TEX9: variants seen among roughly 807,000 people sequenced by gnomAD.
The protein encoded by TEX9 is testis expressed 9.
TEX9 carries 74 observed loss-of-function variants against 59.6 expected under a neutral mutation model. The ratio of observed to expected loss-of-function variants is 1.24; its 90% CI spans 1.03 to 1.51. The LOEUF (loss-of-function observed/expected upper bound fraction) is 1.51, where lower values mean the gene tolerates loss of function less well. TEX9 is among the 40% of genes most tolerant of loss of function. The pLI is 0.00. For synonymous variants in TEX9, 186 were observed against 152.2 expected (o/e 1.22, Z -1.64); for missense variants, 522 against 447.8 (o/e 1.17, Z -1.49).
At chr15:56,319,024 A>T (rs566248921) in intron 1 of TEX9, among the ~76,000 whole-genome samples, 2 of 152,260 alleles carry the variant, frequency 1.3e-5, no homozygotes, top group East Asian at 3.9e-4. Flanking sequence ...CTAGGTTTAG[A>T]ATACAAAAGA....
At chr15:56,449,654 TG>T (rs1567152782), downstream of TEX9, among the ~76,000 whole-genome samples, 2 of 152,142 alleles carry the variant, frequency 1.3e-5, no homozygotes, top group East Asian at 3.8e-4. Flanking sequence ...GGTGTTACTT[TG>T]TCCTGAATGT....
At chr15:56,244,476 A>G (rs564982514) in intron 1 of TEX9, among the ~76,000 whole-genome samples, 42 of 152,190 alleles carry the variant, frequency 2.8e-4, no homozygotes, top group African/African-American at 9.6e-4. Flanking sequence ...TCCCCCTGCA[A>G]GAACTCCCGG....
intron 1 of TEX9, among the ~76,000 whole-genome samples, chr15:56,304,808 A>G (rs1485720079): frequency 6.6e-6 from 1 of 152,026 alleles, no homozygotes; most frequent in East Asian, 1.9e-4. Context: ...CTGCATCCTC[A>G]TACTCCTGGG....
chr15:56,365,312 T>G, upstream of TEX9: 1 of 1,187,958 alleles, frequency 8.4e-7, no homozygotes. Context: ...CCGAGCCCGC[T>G]GCCAGAGGCT....
At chr15:56,410,352 C>A (rs2049288547) in intron 9 of TEX9, among the ~76,000 whole-genome samples, 1 of 152,086 alleles carries the variant, frequency 6.6e-6, no homozygotes, top group Admixed American at 6.5e-5. Context: ...TCTTTTCTTA[C>A]TCTCCCCCAG....
At chr15:56,272,841 G>C (rs1456544426) in intron 1 of TEX9, among the ~76,000 whole-genome samples, 1 of 151,938 alleles carries the variant, frequency 6.6e-6, no homozygotes, top group African/African-American at 2.4e-5. Flanking sequence ...CTTGCTAGTT[G>C]TCTGCTATTT....
At chr15:56,344,444 T>A (rs186353996) in intron 1 of TEX9, among the ~76,000 whole-genome samples, 3 of 152,166 alleles carry the variant, frequency 2.0e-5, no homozygotes, top group Non-Finnish European at 4.4e-5. Flanking sequence ...ATTCCATTTA[T>A]ATAAAATTTC....
intron 1 of TEX9, among the ~76,000 whole-genome samples, chr15:56,356,035 A>G (rs182861134): frequency 2.0e-5 from 3 of 152,042 alleles, no homozygotes; most frequent in African/African-American, 7.2e-5. Context: ...ACTTTCATGA[A>G]TTTTTTGTAG....
intron 1 of TEX9, among the ~76,000 whole-genome samples, chr15:56,313,058 G>C (rs2045662876): frequency 6.8e-6 from 1 of 146,104 alleles, no homozygotes; most frequent in Admixed American, 7.0e-5. Flanking sequence ...GAGACAATGG[G>C]GTTTTCTAGA....
chr15:56,281,543 C>G (rs1013748754), intron 1 of TEX9, among the ~76,000 whole-genome samples: 1 of 152,140 alleles, frequency 6.6e-6, no homozygotes, highest in Non-Finnish European at 1.5e-5. Flanking sequence ...AAAACCATCC[C>G]TCACCCCCCG....
chr15:56,313,355 T>C lies in TEX9; in HGVS notation c.-106-60086T>C, dbSNP rs528315837. On this transcript the variant is annotated intron_variant, in intron 1 of 5. Coordinates refer to the TEX9 transcript ENST00000560827. ...CCTAATTTATTGAGAGTTTTTAGCATGAAGGGTTGTTGAATTTTGTCAAAG... is the reference window on the plus strand; with the variant it reads ...CCTAATTTATTGAGAGTTTTTAGCACGAAGGGTTGTTGAATTTTGTCAAAG... 1.2e-3 allele frequency among the ~76,000 whole-genome samples: 100 copies of C among 84,102 alleles called. 4 individuals carry two copies. The highest frequency in any genetic ancestry group is 3.6e-3 in the African/African-American group (94 of 26,226). The allele number at this position is 84,102 out of a possible 152,430, so 55.2% of individuals were successfully genotyped here.
chr15:56,428,251 C>T (rs1596243805), intron 11 of TEX9, 116 bp from the exon 12 acceptor site: 1 of 716,098 alleles, frequency 1.4e-6, no homozygotes, highest in East Asian at 2.7e-5. Context: ...GTATACATTC[C>T]TACAACAGAA....
chr15:56,394,035 C>T, intron 7 of TEX9, 130 bp from the exon 8 acceptor site: 2 of 716,970 alleles, frequency 2.8e-6, no homozygotes, highest in Non-Finnish European at 4.6e-6. Flanking sequence ...TATAGTGCCC[C>T]CTAACAGATA....
At chr15:56,266,380 G>C (rs1349086500) in intron 1 of TEX9, among the ~76,000 whole-genome samples, 1 of 151,322 alleles carries the variant, frequency 6.6e-6, no homozygotes, top group African/African-American at 2.4e-5. Flanking sequence ...CTATGTGCAG[G>C]TTTCTTACAT....
intron 1 of TEX9, among the ~76,000 whole-genome samples, chr15:56,329,074 C>T (rs1379717072): frequency 2.0e-5 from 3 of 152,144 alleles, no homozygotes; most frequent in African/African-American, 7.2e-5. Context: ...CCACACAGCT[C>T]AGCACAGAGA....
chr15:56,404,704 T>A lies in TEX9; in HGVS notation c.829-7598T>A, dbSNP rs548590728. The stretch of plus-strand genomic sequence containing the variant: ...ACACGTATGTTTATTGTGGCACTAT[T>A]CACAATAGCAAAGACTTGGAACCAA... On this transcript the variant is annotated intron_variant, in intron 9 of 12. Transcript: ENST00000352903. Among the ~76,000 whole-genome samples, 331 of 152,306 alleles carry A rather than the reference T, an allele frequency of 2.2e-3. 1 individual carries two copies. Among genetic ancestry groups the A allele is most frequent in the Non-Finnish European group, 3.1e-3 (210 of 68,030 alleles).
At chr15:56,320,774 C>T (rs1372406983) in intron 1 of TEX9, among the ~76,000 whole-genome samples, 1 of 152,126 alleles carries the variant, frequency 6.6e-6, no homozygotes, top group Non-Finnish European at 1.5e-5. Context: ...ATAATTACAC[C>T]TTATATCCAG....
intron 1 of TEX9, among the ~76,000 whole-genome samples, chr15:56,353,496 G>T (rs2046624984): frequency 6.6e-6 from 1 of 152,082 alleles, no homozygotes; most frequent in South Asian, 2.1e-4. Flanking sequence ...ATAATCTACA[G>T]CTTTCTGAGT....
Position 56,266,904 on chromosome 15 carries a change from G to A in TEX9, c.-107+22626G>A, listed in dbSNP as rs541389057. Reference sequence around the variant, plus strand: ...TAGATCCTTGAGGAATTGCCACACAGTCGTCCATAATGGTTGAACTAGTTT... The same window carrying A: ...TAGATCCTTGAGGAATTGCCACACAATCGTCCATAATGGTTGAACTAGTTT... On this transcript the variant is annotated intron_variant, in intron 1 of 5. Coordinates refer to the TEX9 transcript ENST00000560827. 3.0e-4 allele frequency among the ~76,000 whole-genome samples: 45 copies of A among 152,286 alleles called. No homozygotes were observed. In the East Asian group the frequency reaches 5.0e-3, roughly 17 times the overall value.
Sources: allele counts gnomAD v4.1 joint callset (sites outside exome capture counted in the v4.1 genomes callset), GRCh38; gene constraint gnomAD v4.1.1; transcripts MANE v1.5; gene names NCBI Gene and HGNC (gene_info 2026-07-23, HGNC 2026-07-21).